The following SMPD3 variants were observed in gnomAD, a reference collection of about 807,000 sequenced individuals.
The protein encoded by SMPD3 is sphingomyelin phosphodiesterase 3, also known as nSMase-2.
In SMPD3, 21 loss-of-function variants were observed where a neutral mutation model predicts 55.7. The observed-to-expected ratio is 0.38, with a 90% CI of 0.27 to 0.54. SMPD3 has a LOEUF of 0.54. Ranked by LOEUF, SMPD3 falls within the 20% of genes least tolerant of loss-of-function variation. SMPD3 has a pLI of 0.80. For synonymous variants in SMPD3, 457 were observed against 404.3 expected (o/e 1.13, Z -1.56); for missense variants, 842 against 899.6 (o/e 0.94, Z 0.82).
At chr16:68,400,881 T>G (rs2090199400) in intron 1 of SMPD3, among the ~76,000 whole-genome samples, 2 of 152,250 alleles carry the variant, frequency 1.3e-5, no homozygotes, top group African/African-American at 4.8e-5. Flanking sequence ...CAGCTCTGAG[T>G]GAGAGAGGAT....
chr16:68,365,261 A>AGGC (rs2151975250), intron 3 of SMPD3, among the ~76,000 whole-genome samples, 169 bp from the exon 4 acceptor site: 1 of 152,252 alleles, frequency 6.6e-6, no homozygotes, highest in African/African-American at 2.4e-5. Context: ...CTAGGGACTT[A>AGGC]CGGATCTGGG....
At chr16:68,435,186 T>A (rs543471026) in intron 1 of SMPD3, among the ~76,000 whole-genome samples, 1 of 151,914 alleles carries the variant, frequency 6.6e-6, no homozygotes, top group Non-Finnish European at 1.5e-5. Context: ...AGAGAGAGGG[T>A]TCTAGGGCTG....
Position 68,361,242 on chromosome 16 carries a change from C to G in SMPD3, c.1932G>C (p.Met644Ile). ...SGLTDHLPVA[M>I]RLMVSSGEEE... Reference sequence around the variant, plus strand: ...CCTCCCCCGAAGACACCATCAGTCGCATGGCTACTGGCAGGTGGTCCGTCA... The same window carrying G: ...CCTCCCCCGAAGACACCATCAGTCGGATGGCTACTGGCAGGTGGTCCGTCA... The change falls in exon 9 of 9, where the codon ATG (methionine) becomes ATC (isoleucine). Residue 644 changes from methionine to isoleucine, a missense_variant. Physicochemically the swap from Met to Ile is conservative, Grantham distance 10 (BLOSUM62 1). Coordinates refer to ENST00000219334, the MANE Select transcript of SMPD3 (RefSeq NM_018667.4). 15 of 1,614,010 alleles carry G rather than the reference C, an allele frequency of 9.3e-6. No individual in the cohort carries two copies. The highest frequency in any genetic ancestry group is 1.3e-5 in the Non-Finnish European group (15 of 1,179,982).
In SMPD3 at chr16:68,375,550, G is replaced by A. The variant is rs897459777; in HGVS notation, c.-206-3163C>T. Among the ~76,000 whole-genome samples, 9 of 152,320 alleles carry A rather than the reference G, an allele frequency of 5.9e-5. No homozygotes were observed. In the South Asian group the frequency reaches 1.0e-3, roughly 18 times the overall value. On this transcript the variant is annotated intron_variant, in intron 2 of 8. Transcript: ENST00000219334. The stretch of plus-strand genomic sequence containing the variant: ...CTGCAAAACTGCTCTCCCGTGTGGC[G>A]CATCCCTGACACTGGCCCATCAGGG...
chr16:68,416,628 A>G (rs2090341899), intron 1 of SMPD3, among the ~76,000 whole-genome samples: 2 of 152,238 alleles, frequency 1.3e-5, no homozygotes, highest in South Asian at 2.1e-4. Context: ...GGAAGTAACA[A>G]TACTGCTAAA....
intron 1 of SMPD3, among the ~76,000 whole-genome samples, chr16:68,409,834 T>C (rs1254139473): frequency 1.3e-5 from 2 of 152,218 alleles, no homozygotes; most frequent in Non-Finnish European, 2.9e-5. Context: ...CCTCGTGATC[T>C]GCCCGCCTCA....
At chr16:68,383,563 C>G (rs2089995202) in intron 2 of SMPD3, among the ~76,000 whole-genome samples, 1 of 152,146 alleles carries the variant, frequency 6.6e-6, no homozygotes, top group Non-Finnish European at 1.5e-5. Flanking sequence ...GCTCCCCGCA[C>G]CATGGGACTG....
At chr16:68,445,098 C>T (rs1273817860) in intron 1 of SMPD3, among the ~76,000 whole-genome samples, 1 of 152,242 alleles carries the variant, frequency 6.6e-6, no homozygotes, top group Non-Finnish European at 1.5e-5. Context: ...CCACTTCTGT[C>T]ATTAGGCCTG....
At position 68,363,805 on chromosome 16, in the gene SMPD3, C is replaced by A; in HGVS notation, c.1617G>T (p.Gly539=). 6.4e-7 allele frequency: 1 copy of A among 1,570,272 alleles called. No individual in the cohort carries two copies. The highest frequency in any genetic ancestry group is 8.6e-7 in the Non-Finnish European group (1 of 1,157,562). Residue 539 remains glycine, a synonymous_variant, in exon 6 of 9, where the codon GGG becomes GGT. Coordinates refer to ENST00000219334, the MANE Select transcript of SMPD3 (RefSeq NM_018667.4). ...FTHYRDPCRL[G]PGEEKPWAIG... ...TGGCCCACGGCTTCTCCTCACCAGG[C>A]CCCAGGCGGCAGGGGTCCCTGTAGT...
chr16:68,427,407 G>C (rs2090444713), intron 1 of SMPD3, among the ~76,000 whole-genome samples: 1 of 152,210 alleles, frequency 6.6e-6, no homozygotes, highest in Non-Finnish European at 1.5e-5. Flanking sequence ...AATGCATCTA[G>C]TGAAAGAATT....
intron 3 of SMPD3, chr16:68,369,645 A>AG (rs1298535035): frequency 6.6e-6 from 1 of 152,272 alleles, no homozygotes; most frequent in Non-Finnish European, 1.5e-5. Flanking sequence ...CAAAATGGGA[A>AG]GGTTGGATCT....
rs934965842 is a variant in SMPD3 at position 68,404,964 on chromosome 16, G to A, written c.-268-18305C>T. On this transcript the variant is annotated intron_variant, in intron 1 of 8. Coordinates refer to ENST00000219334, the MANE Select transcript of SMPD3 (RefSeq NM_018667.4). This position sits in a 1 kb window ranked among gnomAD's most constrained non-coding sequence, Gnocchi z 4.0. ...GTGGGCCAAGCGGATGTAGGACCTG[G>A]CTCTTATCCGGGCATTTGGTAACTC... Among the ~76,000 whole-genome samples, 4 of 152,198 alleles carry A rather than the reference G, an allele frequency of 2.6e-5. No homozygotes were observed. The highest frequency in any genetic ancestry group is 9.6e-5 in the African/African-American group (4 of 41,452).
chr16:68,385,986 G>T (rs562161829), intron 2 of SMPD3, among the ~76,000 whole-genome samples: 1 of 152,300 alleles, frequency 6.6e-6, no homozygotes, highest in African/African-American at 2.4e-5. Context: ...ACATTGGGAG[G>T]CCAAGGCGGG....
chr16:68,364,111 G>A (rs186117061), intron 5 of SMPD3, among the ~76,000 whole-genome samples: 68 of 152,338 alleles, frequency 4.5e-4, no homozygotes, highest in African/African-American at 1.6e-3. Context: ...TCTGAGGACA[G>A]TGACAGTGAC....
At chr16:68,446,484 TACACAC>T (rs3978672) in intron 1 of SMPD3, among the ~76,000 whole-genome samples, 3,141 of 143,834 alleles carry the variant, frequency 0.022, 81 homozygotes, top group African/African-American at 0.062. Flanking sequence ...GTGGTTCATC[TACACAC>T]ACACACACAC....
At chr16:68,362,509 G>C (rs1455136989) in intron 7 of SMPD3, among the ~76,000 whole-genome samples, 1 of 152,242 alleles carries the variant, frequency 6.6e-6, no homozygotes, top group Non-Finnish European at 1.5e-5. Context: ...TGGGCCAGAG[G>C]CTTAGGACCC....
At chr16:68,392,667 G>T (rs2090122071) in intron 1 of SMPD3, among the ~76,000 whole-genome samples, 1 of 152,032 alleles carries the variant, frequency 6.6e-6, no homozygotes, top group South Asian at 2.1e-4. Flanking sequence ...TTAGAGACCA[G>T]CCTGGCCAAC....
chr16:68,408,428 G>T (rs2090270149), intron 1 of SMPD3, among the ~76,000 whole-genome samples: 1 of 152,144 alleles, frequency 6.6e-6, no homozygotes, highest in African/African-American at 2.4e-5. Context: ...GAGAGTCAGG[G>T]GTAACTTCTG....
At chr16:68,370,763 C>T in intron 3 of SMPD3, 96 bp downstream of exon 3, 3 of 1,495,422 alleles carry the variant, frequency 2.0e-6, no homozygotes, top group Admixed American at 4.0e-5. Flanking sequence ...CACTCCAGCC[C>T]CCATGACGAT....
Sources: gnomAD v4.1 joint callset for allele counts (sites outside exome capture counted in the v4.1 genomes callset) on GRCh38, gnomAD v4.1.1 for gene constraint, Gnocchi (gnomAD v3.1) non-coding constraint, MANE v1.5 for transcripts, NCBI Gene and HGNC (gene_info 2026-07-23, HGNC 2026-07-21) for gene names.